The following ANKIB1 variants were observed in gnomAD, a reference collection of about 807,000 sequenced individuals.
ANKIB1 encodes ankyrin repeat and IBR domain-containing protein 1.
Under a neutral mutation model 122.1 loss-of-function variants are expected in ANKIB1, and 43 were observed. That is an observed-to-expected ratio of 0.35 (90% CI 0.28 to 0.45). The LOEUF is 0.45. ANKIB1 is among the 20% of genes least tolerant of loss of function. The probability of loss-of-function intolerance (pLI) is 1.00; values close to 1 mark genes in which losing one functional copy is unlikely to be tolerated. For synonymous variants in ANKIB1, 390 were observed against 442.0 expected (o/e 0.88, Z 1.48); for missense variants, 992 against 1,329.5 (o/e 0.75, Z 3.95).
intron 17 of ANKIB1, 58 bp downstream of exon 17, chr7:92,392,350 A>G (rs1299269260): frequency 2.1e-6 from 3 of 1,423,526 alleles, no homozygotes; most frequent in African/African-American, 1.4e-5. Flanking sequence ...TCGTGCTTGC[A>G]TTTGCATCCT....
chr7:92,291,962 CT>C (rs1483994576), intron 1 of ANKIB1, among the ~76,000 whole-genome samples: 1 of 152,100 alleles, frequency 6.6e-6, no homozygotes, highest in Non-Finnish European at 1.5e-5. Context: ...CCAGGTTTTC[CT>C]GTAAAGAATT....
chr7:92,356,776 G>A (rs1008331012), intron 9 of ANKIB1, among the ~76,000 whole-genome samples: 3 of 152,256 alleles, frequency 2.0e-5, no homozygotes, highest in Admixed American at 1.3e-4. Context: ...CTCTTTACTT[G>A]TATGGCCTTT....
At chr7:92,379,967 G>C (rs992464393) in intron 11 of ANKIB1, among the ~76,000 whole-genome samples, 2 of 152,234 alleles carry the variant, frequency 1.3e-5, no homozygotes, top group Admixed American at 6.5e-5. Flanking sequence ...AAGCATAAAG[G>C]GTTGGGGGAT....
rs187271291 is a variant in ANKIB1 at position 92,344,920 on chromosome 7, T to C, written c.997-58T>C. On this transcript the variant is annotated intron_variant, in intron 6 of 19. Transcript: ENST00000265742. ...GCCTTTTAAAAAAGTAAACAAAATGTATTGTTCTCTTTCAGAAGTACATTT... is the reference window on the plus strand; with the variant it reads ...GCCTTTTAAAAAAGTAAACAAAATGCATTGTTCTCTTTCAGAAGTACATTT... 531 of 1,426,152 alleles carry C rather than the reference T, an allele frequency of 3.7e-4. 3 individuals carry two copies. In the African/African-American group the frequency reaches 6.7e-3, roughly 18 times the overall value. 88.3% of individuals were successfully genotyped at this position (1,426,152 alleles called of 1,614,324 possible).
At chr7:92,378,218 T>G (rs1037455128) in intron 11 of ANKIB1, among the ~76,000 whole-genome samples, 2 of 152,160 alleles carry the variant, frequency 1.3e-5, no homozygotes, top group African/African-American at 2.4e-5. Context: ...CTGGAAGTGT[T>G]AAGGATTTCA....
intron 7 of ANKIB1, chr7:92,347,858 T>A (rs1035864648): frequency 2.6e-4 from 65 of 252,854 alleles, no homozygotes; most frequent in Non-Finnish European, 4.5e-4. Flanking sequence ...ATCAGTTTTT[T>A]AAATTTCTTA....
intron 17 of ANKIB1, 149 bp downstream of exon 17, chr7:92,392,441 T>G: frequency 3.3e-6 from 2 of 605,430 alleles, no homozygotes; most frequent in South Asian, 6.1e-5. Context: ...AGAGCCTACA[T>G]TTAGCTATTT....
chr7:92,350,857 T>TAAA, intron 7 of ANKIB1, 93 bp from the exon 8 acceptor site: 3 of 1,046,612 alleles, frequency 2.9e-6, no homozygotes, highest in Non-Finnish European at 3.9e-6. Flanking sequence ...ACCCTGTCTC[T>TAAA]AAAAAAAAAA....
chr7:92,397,008 T>C (rs1378558552), intron 18 of ANKIB1, among the ~76,000 whole-genome samples: 1 of 152,202 alleles, frequency 6.6e-6, no homozygotes, highest in Non-Finnish European at 1.5e-5. Context: ...GTGAAAATCT[T>C]CTGACTATAA....
At chr7:92,331,100 G>T (rs1803163141) in intron 5 of ANKIB1, among the ~76,000 whole-genome samples, 1 of 152,080 alleles carries the variant, frequency 6.6e-6, no homozygotes, top group South Asian at 2.1e-4. Flanking sequence ...CGTCATAGTT[G>T]TACTGGTTAG....
intron 10 of ANKIB1, among the ~76,000 whole-genome samples, chr7:92,364,219 A>G (rs1804018184): frequency 6.7e-6 from 1 of 148,888 alleles, no homozygotes; most frequent in Non-Finnish European, 1.5e-5. Context: ...AGGCTAAGGC[A>G]GGAGAATCGC....
At chr7:92,318,115 G>A (rs1319884077) in intron 3 of ANKIB1, among the ~76,000 whole-genome samples, 6 of 152,148 alleles carry the variant, frequency 3.9e-5, no homozygotes, top group African/African-American at 9.7e-5. Context: ...TAATACCCCT[G>A]TTTTATGGGG....
chr7:92,321,433 T>C (rs1184469979), intron 4 of ANKIB1, among the ~76,000 whole-genome samples: 1 of 152,222 alleles, frequency 6.6e-6, no homozygotes, highest in Non-Finnish European at 1.5e-5. Context: ...TTTATGTATT[T>C]TGTTTACTTG....
At chr7:92,253,182 T>C (rs1050643746) in intron 1 of ANKIB1, among the ~76,000 whole-genome samples, 18 of 152,210 alleles carry the variant, frequency 1.2e-4, no homozygotes, top group African/African-American at 4.1e-4. Context: ...TTCCTAGCTT[T>C]CTCCCTTGAA....
At chr7:92,362,694 G>A (rs953450477) in intron 10 of ANKIB1, among the ~76,000 whole-genome samples, 4 of 152,218 alleles carry the variant, frequency 2.6e-5, no homozygotes, top group Non-Finnish European at 4.4e-5. Flanking sequence ...TTGCTGTTAT[G>A]TGGTTCTATA....
intron 11 of ANKIB1, among the ~76,000 whole-genome samples, chr7:92,383,503 C>T (rs1185511781): frequency 6.6e-6 from 1 of 152,140 alleles, no homozygotes; most frequent in Non-Finnish European, 1.5e-5. Flanking sequence ...TAAATACTGG[C>T]AAACCAAATC....
At chr7:92,354,670 A>G (rs950828517) in intron 9 of ANKIB1, among the ~76,000 whole-genome samples, 2 of 152,148 alleles carry the variant, frequency 1.3e-5, no homozygotes, top group Non-Finnish European at 2.9e-5. Flanking sequence ...TCTAGGCATT[A>G]ATTTACAGTT....
chr7:92,371,735 C>T (rs1463029239), intron 11 of ANKIB1, 128 bp downstream of exon 11: 1 of 1,093,868 alleles, frequency 9.1e-7, no homozygotes, highest in Admixed American at 2.5e-5. Context: ...CCCAGCACTT[C>T]AGGAGGTTGA....
rs560316663 is a variant in ANKIB1, at chr7:92,356,253, A to G, written c.1397+3611A>G. ...TCCTCTGGACAAAATAGATGAAGCA[A>G]TCTGTATGTGTAGACCTAATAATTG... On this transcript the variant is annotated intron_variant, in intron 9 of 19. Transcript: ENST00000265742. 1.1e-4 allele frequency among the ~76,000 whole-genome samples: 17 copies of G among 152,324 alleles called. No homozygotes were observed. The East Asian group carries it at 3.3e-3, about 29-fold the overall frequency.
Sources: allele counts gnomAD v4.1 joint callset (sites outside exome capture counted in the v4.1 genomes callset), GRCh38; gene constraint gnomAD v4.1.1; transcripts MANE v1.5; gene names NCBI Gene and HGNC (gene_info 2026-07-23, HGNC 2026-07-21).